Variants in SDCCAG8 observed in about 807,000 individuals in gnomAD.
SDCCAG8 encodes SHH signaling and ciliogenesis regulator SDCCAG8.
Under a neutral mutation model 101.8 loss-of-function variants are expected in SDCCAG8, and 74 were observed. That is an observed-to-expected ratio of 0.73 (90% CI 0.60 to 0.88). The LOEUF (loss-of-function observed/expected upper bound fraction) is 0.88, where lower values mean the gene tolerates loss of function less well. Among genes scored for constraint, SDCCAG8 ranks in the 40% least tolerant of loss-of-function variants. SDCCAG8 has a pLI of 0.00. For synonymous variants in SDCCAG8, 281 were observed against 292.9 expected (o/e 0.96, Z 0.41); for missense variants, 787 against 822.6 (o/e 0.96, Z 0.53).
intron 13 of SDCCAG8, among the ~76,000 whole-genome samples, chr1:243,384,838 G>C (rs559957181): frequency 2.0e-5 from 3 of 152,242 alleles, no homozygotes; most frequent in Admixed American, 1.3e-4. Context: ...CACTAAACAC[G>C]TCTAGCCTAG....
At chr1:243,410,192 G>A (rs1197854140) in intron 13 of SDCCAG8, among the ~76,000 whole-genome samples, 1 of 152,178 alleles carries the variant, frequency 6.6e-6, no homozygotes, top group Non-Finnish European at 1.5e-5. Context: ...TGAAAATAGA[G>A]CATGGTGGAA....
rs570533779 is a variant in SDCCAG8 at position 243,416,421 on chromosome 1, C to T, written c.1744+592C>T. Among the ~76,000 whole-genome samples, 147 of 152,262 alleles carry T rather than the reference C, an allele frequency of 9.7e-4. No homozygotes were observed. The highest frequency in any genetic ancestry group is 1.7e-3 in the Non-Finnish European group (115 of 68,006). On this transcript the variant is annotated intron_variant, in intron 14 of 17. Transcript: ENST00000366541. This position sits in a 1 kb window ranked among gnomAD's most constrained non-coding sequence, Gnocchi z 4.3. ...TTCCTTTATTTAATCTTTGCAGCTT[C>T]GAACATTTTTAGCATTTGTATGATT...
intron 13 of SDCCAG8, among the ~76,000 whole-genome samples, chr1:243,398,267 A>G (rs989629299): frequency 6.6e-6 from 1 of 152,202 alleles, no homozygotes; most frequent in Non-Finnish European, 1.5e-5. Flanking sequence ...GATTCGTGGC[A>G]TGCTTTTGTC....
rs138481358 is a variant in SDCCAG8, at chr1:243,493,128, C to T, written c.2112+3988C>T. On this transcript the variant is annotated intron_variant, in intron 17 of 17. Coordinates refer to ENST00000366541, the MANE Select transcript of SDCCAG8 (RefSeq NM_006642.5). ...AGGGTCAGGGCCTCCAGACACACAC[C>T]CTGGCCTGTCTTTTGTTTGAGACTG... is the stretch of plus-strand genomic sequence containing the variant. 1.9e-3 allele frequency among the ~76,000 whole-genome samples: 288 copies of T among 151,836 alleles called. 2 individuals are homozygous for T. The Middle Eastern group carries it at 0.027, about 14-fold the overall frequency.
chr1:243,441,867 C>T (rs183912946), intron 16 of SDCCAG8, among the ~76,000 whole-genome samples: 26 of 152,248 alleles, frequency 1.7e-4, no homozygotes, highest in Non-Finnish European at 3.2e-4. Flanking sequence ...GATTCTTTAA[C>T]ATCATAGAAA....
intron 13 of SDCCAG8, among the ~76,000 whole-genome samples, chr1:243,405,957 A>G (rs2079752051): frequency 6.6e-6 from 1 of 152,128 alleles, no homozygotes; most frequent in Non-Finnish European, 1.5e-5. Context: ...TAGAATAGAA[A>G]CTGTTATGCT....
rs549786923 is a variant in SDCCAG8, at chr1:243,410,057, C to T, written c.1617-5645C>T. ...TACAGAGAGGAAAGGAGTAACTTTA[C>T]AGTAGAGAGGCCTGGGACAGCTCAC... On this transcript the variant is annotated intron_variant, in intron 13 of 17. Transcript: ENST00000366541. Among the ~76,000 whole-genome samples, 147 of 152,306 alleles carry T rather than the reference C, an allele frequency of 9.7e-4. 1 individual carries two copies. Among genetic ancestry groups the T allele is most frequent in the African/African-American group, 3.5e-3 (145 of 41,572 alleles).
intron 16 of SDCCAG8, among the ~76,000 whole-genome samples, chr1:243,444,977 G>A (rs1306326409): frequency 1.3e-5 from 2 of 151,458 alleles, no homozygotes; most frequent in Non-Finnish European, 2.9e-5. Context: ...TTTTATGTTG[G>A]CAACTTAAAT....
At chr1:243,405,129 G>T (rs1226714162) in intron 13 of SDCCAG8, among the ~76,000 whole-genome samples, 1 of 152,224 alleles carries the variant, frequency 6.6e-6, no homozygotes, top group South Asian at 2.1e-4. Flanking sequence ...GCCTCCCAAA[G>T]TGTTGGGATT....
chr1:243,483,644 T>A (rs1664225819), intron 16 of SDCCAG8, among the ~76,000 whole-genome samples: 1 of 150,896 alleles, frequency 6.6e-6, no homozygotes, highest in Non-Finnish European at 1.5e-5. Context: ...ATCTGGCTTC[T>A]GCCCCAGCCA....
chr1:243,398,673 T>C (rs1027279449), intron 13 of SDCCAG8, among the ~76,000 whole-genome samples: 2 of 152,194 alleles, frequency 1.3e-5, no homozygotes, highest in Admixed American at 6.5e-5. Flanking sequence ...TTTAAAATAA[T>C]AACATAAAAC....
At chr1:243,391,648 C>T (rs2078707108) in intron 13 of SDCCAG8, among the ~76,000 whole-genome samples, 1 of 152,204 alleles carries the variant, frequency 6.6e-6, no homozygotes, top group Non-Finnish European at 1.5e-5. Context: ...CCAGGGTGGG[C>T]ACCAGTGAAT....
intron 4 of SDCCAG8, among the ~76,000 whole-genome samples, chr1:243,283,421 GTA>G (rs200044034): frequency 3.5e-5 from 5 of 144,410 alleles, no homozygotes; most frequent in African/African-American, 2.5e-5. Context: ...ATATATACAT[GTA>G]TATATATATA....
At chr1:243,388,699 A>G (rs1247783201) in intron 13 of SDCCAG8, among the ~76,000 whole-genome samples, 1 of 9,314 alleles carries the variant, frequency 1.1e-4, no homozygotes, top group Non-Finnish European at 2.0e-4. Flanking sequence ...CAGCTCTACC[A>G]AAAAAAAAAA....
chr1:243,268,450 G>A (rs530550889), intron 1 of SDCCAG8, among the ~76,000 whole-genome samples: 2 of 152,288 alleles, frequency 1.3e-5, no homozygotes, highest in Non-Finnish European at 2.9e-5. Context: ...ATGAGTCAGA[G>A]GAGGCCAGTT....
At chr1:243,358,693 C>G (rs1267571081) in intron 12 of SDCCAG8, among the ~76,000 whole-genome samples, 1 of 152,106 alleles carries the variant, frequency 6.6e-6, no homozygotes, top group East Asian at 1.9e-4. Flanking sequence ...CCCAAACTGC[C>G]AATACCCCAA....
At chr1:243,264,307 C>T (rs973225435) in intron 1 of SDCCAG8, among the ~76,000 whole-genome samples, 1 of 152,260 alleles carries the variant, frequency 6.6e-6, no homozygotes, top group East Asian at 1.9e-4. Context: ...AGTAGGGAAA[C>T]TCTTACTAAG....
At chr1:243,360,683 A>G (rs553667075) in intron 12 of SDCCAG8, among the ~76,000 whole-genome samples, 1 of 152,128 alleles carries the variant, frequency 6.6e-6, no homozygotes, top group Admixed American at 6.5e-5. Context: ...TTAGCCAGGC[A>G]CGGTGGCAGG....
intron 1 of SDCCAG8, among the ~76,000 whole-genome samples, chr1:243,259,651 C>A (rs1271831314): frequency 6.6e-6 from 1 of 151,082 alleles, no homozygotes; most frequent in East Asian, 2.0e-4. Context: ...GAAACCCTGT[C>A]TCTACTAAAA....
Sources: allele counts gnomAD v4.1 joint callset (sites outside exome capture counted in the v4.1 genomes callset), GRCh38; gene constraint gnomAD v4.1.1; non-coding constraint Gnocchi (gnomAD v3.1); transcripts MANE v1.5; gene names NCBI Gene and HGNC (gene_info 2026-07-23, HGNC 2026-07-21).